FAM20B: variants seen among roughly 807,000 people sequenced by gnomAD.
The protein encoded by FAM20B is FAM20B glycosaminoglycan xylosylkinase.
Under a neutral mutation model 43.8 loss-of-function variants are expected in FAM20B, and 23 were observed. The observed-to-expected ratio is 0.53, with a 90% CI of 0.38 to 0.74. The LOEUF is 0.74. FAM20B is among the 30% of genes least tolerant of loss of function. The probability of loss-of-function intolerance (pLI) is 0.00; values close to 1 mark genes in which losing one functional copy is unlikely to be tolerated. For synonymous variants in FAM20B, 178 were observed against 192.4 expected, an observed-to-expected ratio of 0.93 and a Z score of 0.62; for missense variants, 440 against 510.5, an observed-to-expected ratio of 0.86 and a Z score of 1.33.
In FAM20B at chr1:179,064,091, T is replaced by C. The variant is rs145807542; in HGVS notation, c.739T>C (p.Leu247=). 186 of 1,608,902 alleles carry C rather than the reference T, an allele frequency of 1.2e-4. No individual in the cohort carries two copies. Among genetic ancestry groups the C allele is most frequent in the Middle Eastern group, 1.7e-4 (1 of 6,046 alleles). ...GGGCAGGACTTACCGAGAAGGCAAA[T>C]TGGCCAGGTAAATGCTCCTATGAGC... ...PWGRTYREGK[L]ARWEYDESYC... Residue 247 remains leucine, a synonymous_variant, in exon 5 of 8, where the codon TTG becomes CTG. Coordinates refer to ENST00000263733, the MANE Select transcript of FAM20B (RefSeq NM_014864.4).
the FAM20B span, among the ~76,000 whole-genome samples, chr1:179,019,467 CT>C: frequency 5.4e-4 from 76 of 141,802 alleles, no homozygotes; most frequent in Admixed American, 7.0e-4. Flanking sequence ...TTGTTTGTTT[CT>C]TTTTTTTTTT....
chr1:179,021,622 T>A (rs1225802403), upstream of FAM20B, among the ~76,000 whole-genome samples: 8 of 152,276 alleles, frequency 5.3e-5, no homozygotes, highest in African/African-American at 1.9e-4. Flanking sequence ...ATAACTCCTC[T>A]GCATTTCTTA....
At chr1:179,057,338 T>A (rs141012590) in intron 4 of FAM20B, among the ~76,000 whole-genome samples, 155 of 152,146 alleles carry the variant, frequency 1.0e-3, no homozygotes, top group Non-Finnish European at 2.0e-3. Context: ...AGAGTGAGAC[T>A]CCATCTCAAA....
chr1:179,067,156 CAA>C (rs768489429), intron 7 of FAM20B, among the ~76,000 whole-genome samples: 7 of 134,318 alleles, frequency 5.2e-5, no homozygotes, highest in Admixed American at 7.6e-5. Context: ...ACCCCACTGC[CAA>C]AAAAAAAAAA....
intron 6 of FAM20B, 109 bp downstream of exon 6, chr1:179,064,605 C>A: frequency 1.2e-6 from 1 of 839,454 alleles, no homozygotes; most frequent in Non-Finnish European, 1.8e-6. Context: ...TAGGCAACAT[C>A]CTTCTTTTTT....
intron 4 of FAM20B, among the ~76,000 whole-genome samples, chr1:179,057,371 A>G (rs984960465): frequency 9.2e-5 from 14 of 152,294 alleles, no homozygotes; most frequent in Admixed American, 7.2e-4. Context: ...TTTTCTTCAA[A>G]TGTATAACTT....
intron 6 of FAM20B, among the ~76,000 whole-genome samples, chr1:179,064,852 G>A (rs3753533): frequency 0.71 from 107,505 of 152,098 alleles, 39,181 homozygotes; most frequent in African/African-American, 0.88. Flanking sequence ...GGAATTTGTC[G>A]TTAAATTTAT....
chr1:179,058,212 A>T (rs1166660900), intron 4 of FAM20B, among the ~76,000 whole-genome samples: 1 of 152,228 alleles, frequency 6.6e-6, no homozygotes, highest in Non-Finnish European at 1.5e-5. Flanking sequence ...CTGTGATTTC[A>T]AACTATGATT....
chr1:179,020,152 TATACACACAC>T, the FAM20B span, among the ~76,000 whole-genome samples: 1 of 112,372 alleles, frequency 8.9e-6, no homozygotes. Context: ...TATGTGTGTG[TATACACACAC>T]ACACACACAC....
chr1:179,072,555 G>GT lies in FAM20B; in HGVS notation c.*412dup, dbSNP rs941758174. The GT allele has an allele frequency of 9.9e-6, 1 of 101,494 alleles. No homozygotes were observed. Among genetic ancestry groups the GT allele is most frequent in the Non-Finnish European group, 1.8e-5 (1 of 56,952 alleles). 6.3% of individuals were successfully genotyped at this position (101,494 alleles called of 1,614,324 possible). A position where few individuals can be genotyped will look rare whatever the true frequency, so the allele number is the denominator to read the frequency against. ...TGTGGAAACACTTTGCAATCTCTTT[G>GT]TCTTTTTTTTTTTTACCAGAACTAG... is the stretch of plus-strand genomic sequence containing the variant. On this transcript the variant is annotated 3_prime_UTR_variant, in exon 8 of 8. Transcript: ENST00000263733.
At chr1:179,059,934 T>C (rs893398169) in intron 4 of FAM20B, among the ~76,000 whole-genome samples, 5 of 150,644 alleles carry the variant, frequency 3.3e-5, no homozygotes, top group African/African-American at 1.2e-4. Context: ...ATCATGCCAC[T>C]GCACTCCAGC....
chr1:179,061,579 C>CT (rs962437660), intron 4 of FAM20B, among the ~76,000 whole-genome samples: 2 of 151,680 alleles, frequency 1.3e-5, no homozygotes, highest in Non-Finnish European at 2.9e-5. Flanking sequence ...AATGTTTTTA[C>CT]TTTTAGTTTT....
intron 1 of FAM20B, among the ~76,000 whole-genome samples, chr1:179,027,819 A>AATCT (rs1172202277): frequency 6.6e-6 from 1 of 152,264 alleles, no homozygotes; most frequent in Non-Finnish European, 1.5e-5. Context: ...TGGAAACTAG[A>AATCT]AAACACATAC....
intron 2 of FAM20B, among the ~76,000 whole-genome samples, chr1:179,049,746 T>G (rs1361919987): frequency 6.6e-6 from 1 of 152,236 alleles, no homozygotes; most frequent in Non-Finnish European, 1.5e-5. Flanking sequence ...TTCGCCATGT[T>G]GGCCAGGCTG....
chr1:179,062,956 AGAG>A (rs1651532312), intron 4 of FAM20B, among the ~76,000 whole-genome samples: 1 of 152,102 alleles, frequency 6.6e-6, no homozygotes, highest in South Asian at 2.1e-4. Context: ...CTAATGAAGA[AGAG>A]GAGGATGTTA....
rs1651996867 is a variant in FAM20B at position 179,073,107 on chromosome 1, A to G, written c.*963A>G. On this transcript the variant is annotated 3_prime_UTR_variant, in exon 8 of 8. Transcript: ENST00000263733. ...TCATCCTCGTTTCTCTTCTGAAATG[A>G]ATTTCCACCTCTGCCTTTAAGGCAT... The G allele has an allele frequency of 6.6e-6, 1 of 152,170 alleles. No homozygotes were observed. Among genetic ancestry groups the G allele is most frequent in the African/African-American group, 2.4e-5 (1 of 41,424 alleles). 9.4% of individuals were successfully genotyped at this position (152,170 alleles called of 1,614,324 possible). A position where few individuals can be genotyped will look rare whatever the true frequency, so the allele number is the denominator to read the frequency against.
At chr1:179,055,342 G>A (rs901405532) in intron 4 of FAM20B, among the ~76,000 whole-genome samples, 1 of 152,142 alleles carries the variant, frequency 6.6e-6, no homozygotes, top group Non-Finnish European at 1.5e-5. Flanking sequence ...GTGATACAGT[G>A]CTCTGCATTA....
At chr1:179,058,772 TAAG>T (rs1236080907) in intron 4 of FAM20B, among the ~76,000 whole-genome samples, 3 of 152,078 alleles carry the variant, frequency 2.0e-5, no homozygotes, top group African/African-American at 7.2e-5. Context: ...TCATATGTAA[TAAG>T]AGAACTAAAG....
chr1:179,037,017 C>T (rs781555396), intron 1 of FAM20B, among the ~76,000 whole-genome samples: 6 of 152,212 alleles, frequency 3.9e-5, no homozygotes, highest in African/African-American at 2.4e-5. Context: ...ATAGCATGTT[C>T]AGTTGATCCA....
Sources: gnomAD v4.1 joint callset for allele counts (sites outside exome capture counted in the v4.1 genomes callset) on GRCh38, gnomAD v4.1.1 for gene constraint, MANE v1.5 for transcripts, NCBI Gene and HGNC (gene_info 2026-07-23, HGNC 2026-07-21) for gene names.